The following PRKN variants were observed in gnomAD, a reference collection of about 807,000 sequenced individuals.
The protein encoded by PRKN is parkin RBR E3 ubiquitin protein ligase.
Under a neutral mutation model 59.5 loss-of-function variants are expected in PRKN, and 56 were observed. The ratio of observed to expected loss-of-function variants is 0.94; its 90% CI spans 0.76 to 1.18. The LOEUF (loss-of-function observed/expected upper bound fraction) is 1.18. PRKN is among the 50% of genes most tolerant of loss of function. The pLI, the probability that PRKN is intolerant of heterozygous loss-of-function variation, is 0.00. For missense variants in PRKN, 657 were observed against 596.4 expected, an observed-to-expected ratio of 1.10 and a Z score of -1.06; for synonymous variants, 250 against 222.1, an observed-to-expected ratio of 1.13 and a Z score of -1.12.
intron 6 of PRKN, among the ~76,000 whole-genome samples, chr6:161,942,486 G>A (rs747877803): frequency 2.6e-5 from 4 of 152,070 alleles, no homozygotes; most frequent in Non-Finnish European, 5.9e-5. Context: ...AACTGAGATC[G>A]CGCCATTGTA....
Position 162,228,111 on chromosome 6 carries a change from A to G in PRKN, c.413-26859T>C, listed in dbSNP as rs552663737. Among the ~76,000 whole-genome samples, 46 of 152,308 alleles carry G rather than the reference A, an allele frequency of 3.0e-4. 1 individual carries two copies. The highest frequency in any genetic ancestry group is 1.1e-3 in the African/African-American group (45 of 41,572). ...GCTGAGCTCATTCAAGGACCTGGGC[A>G]TAAAGCAAATTACAAGAGGGATTGA... On this transcript the variant is annotated intron_variant, in intron 3 of 11. Transcript: ENST00000366898.
intron 1 of PRKN, among the ~76,000 whole-genome samples, chr6:162,472,345 C>T (rs747170549): frequency 2.4e-3 from 330 of 137,322 alleles, no homozygotes; most frequent in Non-Finnish European, 3.9e-3. Context: ...CTAATGCTAC[C>T]CCTCCCCCCA....
At chr6:162,166,047 C>CAAAAAAAAAAAAAAAAA (rs10557222) in intron 4 of PRKN, among the ~76,000 whole-genome samples, 1 of 80,240 alleles carries the variant, frequency 1.2e-5, no homozygotes, top group African/African-American at 5.1e-5. Flanking sequence ...GACTCTATCT[C>CAAAAAAAAAAAAAAAAA]AAAAAAAAAA....
intron 1 of PRKN, among the ~76,000 whole-genome samples, chr6:162,722,732 A>G (rs1291388608): frequency 6.6e-6 from 1 of 152,158 alleles, no homozygotes; most frequent in South Asian, 2.1e-4. Context: ...ATGGATTTAC[A>G]TATCTTAATA....
At chr6:161,869,258 A>C (rs1047684164) in intron 6 of PRKN, among the ~76,000 whole-genome samples, 3 of 152,112 alleles carry the variant, frequency 2.0e-5, no homozygotes, top group Non-Finnish European at 4.4e-5. Context: ...GTGCACCTGT[A>C]ATCCCAGCTA....
At chr6:161,860,537 A>G (rs1047389515) in intron 6 of PRKN, among the ~76,000 whole-genome samples, 1 of 152,066 alleles carries the variant, frequency 6.6e-6, no homozygotes, top group African/African-American at 2.4e-5. Flanking sequence ...CTAAAACAGA[A>G]CTCCCTCTTT....
chr6:162,213,562 C>CA (rs910807286), intron 3 of PRKN, among the ~76,000 whole-genome samples: 9 of 151,804 alleles, frequency 5.9e-5, no homozygotes, highest in Admixed American at 2.0e-4. Flanking sequence ...TTCATCTCTA[C>CA]AAAAAATAAA....
chr6:161,410,664 G>A lies in PRKN; in HGVS notation c.1084-23787C>T, dbSNP rs1214584442. On this transcript the variant is annotated intron_variant, in intron 9 of 11. Coordinates refer to ENST00000366898, the MANE Select transcript of PRKN (RefSeq NM_004562.3). This position sits in a 1 kb window ranked among gnomAD's most constrained non-coding sequence, Gnocchi z 5.3. ...TTACAAGGAAGCAGATGGAGTTGGG[G>A]AAACATGGAATGGAGGATGGGGAGG... Among the ~76,000 whole-genome samples the A allele has an allele frequency of 6.6e-6, 1 of 152,128 alleles. No individual in the cohort carries two copies. The highest frequency in any genetic ancestry group is 1.5e-5 in the Non-Finnish European group (1 of 68,032).
chr6:161,472,676 G>C (rs1166754418), intron 9 of PRKN, among the ~76,000 whole-genome samples: 1 of 152,096 alleles, frequency 6.6e-6, no homozygotes, highest in South Asian at 2.1e-4. Context: ...AAAAGCTTCT[G>C]CACAGCAAAG....
At chr6:161,871,639 C>A (rs1794345922) in intron 6 of PRKN, among the ~76,000 whole-genome samples, 1 of 152,182 alleles carries the variant, frequency 6.6e-6, no homozygotes, top group Non-Finnish European at 1.5e-5. Context: ...AGTTGGACAG[C>A]ACAAAGCTCC....
At chr6:162,477,387 C>A (rs1300948191) in intron 1 of PRKN, among the ~76,000 whole-genome samples, 7 of 152,152 alleles carry the variant, frequency 4.6e-5, no homozygotes, top group Non-Finnish European at 1.0e-4. Context: ...AGAACTTCCA[C>A]GCGTGGGACT....
intron 2 of PRKN, among the ~76,000 whole-genome samples, chr6:162,285,266 A>ATTTT (rs11392809): frequency 0.042 from 4,032 of 95,882 alleles, 153 homozygotes; most frequent in South Asian, 0.075. Context: ...TATTTTGGAG[A>ATTTT]TTTTTTTTTT....
chr6:161,826,923 G>T lies in PRKN; in HGVS notation c.735-41015C>A, dbSNP rs532854541. On this transcript the variant is annotated intron_variant, in intron 6 of 11. Transcript: ENST00000366898. Reference sequence around the variant, plus strand: ...ATCCCATAGTGTGTAATTTTGATTTGCATTGGCAGGACAAGAATATAGCTC... The same window carrying T: ...ATCCCATAGTGTGTAATTTTGATTTTCATTGGCAGGACAAGAATATAGCTC... 1.4e-4 allele frequency among the ~76,000 whole-genome samples: 22 copies of T among 152,250 alleles called. No homozygotes were observed. In the South Asian group the frequency reaches 4.4e-3, roughly 30 times the overall value.
chr6:161,918,463 T>G (rs1239840617), intron 6 of PRKN, among the ~76,000 whole-genome samples: 1 of 152,206 alleles, frequency 6.6e-6, no homozygotes, highest in Non-Finnish European at 1.5e-5. Context: ...CCATGAGTCA[T>G]CGACAAATAT....
chr6:162,066,246 C>A (rs1228852095), intron 4 of PRKN, among the ~76,000 whole-genome samples: 1 of 152,038 alleles, frequency 6.6e-6, no homozygotes, highest in Non-Finnish European at 1.5e-5. Flanking sequence ...TGCCTGGAAA[C>A]AATTCTTTAC....
rs73785421 is a variant in PRKN, at chr6:161,824,450, G to A, written c.735-38542C>T. Among the ~76,000 whole-genome samples, 415 of 152,174 alleles carry A rather than the reference G, an allele frequency of 2.7e-3. 3 individuals are homozygous for A. Among genetic ancestry groups the A allele is most frequent in the African/African-American group, 9.4e-3 (392 of 41,516 alleles). On this transcript the variant is annotated intron_variant, in intron 6 of 11. Transcript: ENST00000366898. Reference sequence around the variant, plus strand: ...GAAACCACTTGAGAGAGAATTTACCGGTATTTCCACACTTGAAGTGCAGAA... The same window carrying A: ...GAAACCACTTGAGAGAGAATTTACCAGTATTTCCACACTTGAAGTGCAGAA...
rs574426180 is a variant in PRKN, at chr6:162,373,859, G to A, written c.171+69451C>T. ...CCTCAAACTAGAATAGGTTTAGAGA[G>A]ACTAGTGTTTTTGTGTGGTCAAAGA... On this transcript the variant is annotated intron_variant, in intron 2 of 11. Coordinates refer to ENST00000366898, the MANE Select transcript of PRKN (RefSeq NM_004562.3). Among the ~76,000 whole-genome samples, 36 of 152,250 alleles carry A rather than the reference G, an allele frequency of 2.4e-4. No individual in the cohort carries two copies. In the East Asian group the frequency reaches 2.9e-3, roughly 12 times the overall value.
chr6:162,166,150 G>C (rs1174176174), intron 4 of PRKN, among the ~76,000 whole-genome samples: 4 of 151,778 alleles, frequency 2.6e-5, no homozygotes, highest in South Asian at 2.1e-4. Context: ...ATTCAAGAGA[G>C]TCAAAACCTG....
At chr6:161,655,857 A>C (rs1292458607) in intron 7 of PRKN, among the ~76,000 whole-genome samples, 1 of 143,238 alleles carries the variant, frequency 7.0e-6, no homozygotes, top group Non-Finnish European at 1.5e-5. Context: ...CAGGCATATC[A>C]ACACACATGC....
Sources: allele counts gnomAD v4.1 joint callset (sites outside exome capture counted in the v4.1 genomes callset), GRCh38; gene constraint gnomAD v4.1.1; non-coding constraint Gnocchi (gnomAD v3.1); transcripts MANE v1.5; gene names NCBI Gene and HGNC (gene_info 2026-07-23, HGNC 2026-07-21).